Variants in CAMK1D observed in about 807,000 individuals in gnomAD.
The protein encoded by CAMK1D is calcium/calmodulin-dependent protein kinase type 1D.
In CAMK1D, 9 loss-of-function variants were observed where a neutral mutation model predicts 47.7. The ratio of observed to expected loss-of-function variants is 0.19; its 90% CI spans 0.11 to 0.33. The LOEUF (loss-of-function observed/expected upper bound fraction) is 0.33, where lower values mean the gene tolerates loss of function less well. Ranked by LOEUF, CAMK1D falls within the 10% of genes least tolerant of loss-of-function variation. The pLI is 1.00. For synonymous variants in CAMK1D, 184 were observed against 184.9 expected, an observed-to-expected ratio of 0.99 and a Z score of 0.04; for missense variants, 291 against 488.7, an observed-to-expected ratio of 0.60 and a Z score of 3.81.
intron 5 of CAMK1D, among the ~76,000 whole-genome samples, chr10:12,770,651 A>G (rs1160465806): frequency 6.6e-6 from 1 of 152,168 alleles, no homozygotes; most frequent in East Asian, 1.9e-4. Flanking sequence ...CTTGAGTACT[A>G]TGAAGAAACT....
intron 5 of CAMK1D, among the ~76,000 whole-genome samples, chr10:12,788,873 G>A (rs1237441228): frequency 1.3e-5 from 2 of 152,198 alleles, no homozygotes; most frequent in Non-Finnish European, 2.9e-5. Context: ...TGAACATGGT[G>A]AAGAAAGGAT....
In CAMK1D at chr10:12,489,986, G is replaced by C. The variant is rs553659165; in HGVS notation, c.93-63239G>C. On this transcript the variant is annotated intron_variant, in intron 1 of 10. Transcript: ENST00000619168. The stretch of plus-strand genomic sequence containing the variant: ...CCTGGCTTGAGGGAGCGTGGGGCAG[G>C]TGTGAACGGGGCAGGCACACTCACG... Among the ~76,000 whole-genome samples, 335 of 152,318 alleles carry C rather than the reference G, an allele frequency of 2.2e-3. 2 individuals carry two copies. The highest frequency in any genetic ancestry group is 3.5e-3 in the Non-Finnish European group (240 of 68,020).
chr10:12,535,655 C>G (rs1353182307), intron 1 of CAMK1D, among the ~76,000 whole-genome samples: 2 of 152,206 alleles, frequency 1.3e-5, no homozygotes. Context: ...AAAATTCCCA[C>G]TCCTGAAAGA....
At chr10:12,823,957 CT>C (rs772202356) in intron 8 of CAMK1D, among the ~76,000 whole-genome samples, 1 of 151,874 alleles carries the variant, frequency 6.6e-6, no homozygotes, top group Non-Finnish European at 1.5e-5. Context: ...AGCAGCGCCC[CT>C]GGGGAAGACA....
chr10:12,486,192 T>A (rs1361508062), intron 1 of CAMK1D, among the ~76,000 whole-genome samples: 44 of 149,886 alleles, frequency 2.9e-4, no homozygotes, highest in African/African-American at 1.0e-3. Context: ...AGAGTCTCGC[T>A]CTGTCACCCA....
chr10:12,734,511 TA>T (rs1835085914), intron 3 of CAMK1D, among the ~76,000 whole-genome samples: 1 of 144,990 alleles, frequency 6.9e-6, no homozygotes, highest in Admixed American at 7.0e-5. Context: ...CACACACACA[TA>T]TATATACACG....
intron 2 of CAMK1D, among the ~76,000 whole-genome samples, chr10:12,580,106 C>T (rs4531357): frequency 0.03 from 4,566 of 152,270 alleles, 96 homozygotes; most frequent in Non-Finnish European, 0.047. Flanking sequence ...TGTGGAACCT[C>T]GCAGGGCCTT....
At chr10:12,394,495 A>G (rs1031145068) in intron 1 of CAMK1D, among the ~76,000 whole-genome samples, 7 of 152,176 alleles carry the variant, frequency 4.6e-5, no homozygotes, top group Non-Finnish European at 7.3e-5. Flanking sequence ...CCGCATTGGC[A>G]TAAACTTAGG....
intron 2 of CAMK1D, among the ~76,000 whole-genome samples, chr10:12,554,031 G>C (rs1322649352): frequency 6.6e-6 from 1 of 152,028 alleles, no homozygotes; most frequent in African/African-American, 2.4e-5. Flanking sequence ...CACTGTTTCA[G>C]TGCTTACCTC....
At chr10:12,534,017 T>C (rs1182321645) in intron 1 of CAMK1D, among the ~76,000 whole-genome samples, 1 of 152,202 alleles carries the variant, frequency 6.6e-6, no homozygotes, top group Non-Finnish European at 1.5e-5. Context: ...AGAGTTCTTC[T>C]GCAAGCTTCA....
intron 3 of CAMK1D, among the ~76,000 whole-genome samples, chr10:12,751,615 G>A (rs1835989447): frequency 6.6e-6 from 1 of 152,330 alleles, no homozygotes; most frequent in African/African-American, 2.4e-5. Flanking sequence ...GGTGTGTGCT[G>A]TGCAGAAAGA....
Position 12,774,515 on chromosome 10 carries a change from C to T in CAMK1D, c.565+4716C>T, listed in dbSNP as rs551381068. On this transcript the variant is annotated intron_variant, in intron 5 of 10. Transcript: ENST00000619168. Reference sequence around the variant, plus strand: ...GGTATGTGGACCAGGACTTGGAAATCGTCGTATAGACTTTAGCTTCTACTC... The same window carrying T: ...GGTATGTGGACCAGGACTTGGAAATTGTCGTATAGACTTTAGCTTCTACTC... Among the ~76,000 whole-genome samples the T allele has an allele frequency of 4.6e-5, 7 of 152,250 alleles. No individual in the cohort carries two copies. The East Asian group carries it at 9.7e-4, about 21-fold the overall frequency.
intron 1 of CAMK1D, among the ~76,000 whole-genome samples, chr10:12,489,119 G>A (rs1235995158): frequency 6.6e-6 from 1 of 152,038 alleles, no homozygotes; most frequent in Non-Finnish European, 1.5e-5. Flanking sequence ...TATATTTTTA[G>A]TAGAGACAGG....
chr10:12,680,793 C>T (rs1024348154), intron 3 of CAMK1D, among the ~76,000 whole-genome samples: 4 of 151,360 alleles, frequency 2.6e-5, no homozygotes, highest in Admixed American at 6.6e-5. Context: ...AATCCTTGCT[C>T]GTGATTGCTT....
At chr10:12,360,313 A>G (rs1441793582) in intron 1 of CAMK1D, among the ~76,000 whole-genome samples, 1 of 152,132 alleles carries the variant, frequency 6.6e-6, no homozygotes, top group Admixed American at 6.6e-5. Flanking sequence ...GCCTCCCCAC[A>G]CAACCCTGTC....
At chr10:12,805,568 C>T (rs1838693357) in intron 6 of CAMK1D, among the ~76,000 whole-genome samples, 1 of 151,956 alleles carries the variant, frequency 6.6e-6, no homozygotes, top group Non-Finnish European at 1.5e-5. Flanking sequence ...TGGGGTTTTA[C>T]CATGTTGGTC....
rs117915519 is a variant in CAMK1D, at chr10:12,558,140, C to T, written c.224+4784C>T. On this transcript the variant is annotated intron_variant, in intron 2 of 10. Transcript: ENST00000619168. ...GATAGAACAGTTAGTTGTGATCCCA[C>T]AACAGAGTATTTTATGCGGTATGGA... Among the ~76,000 whole-genome samples, 315 of 152,346 alleles carry T rather than the reference C, an allele frequency of 2.1e-3. 1 individual carries two copies. Among genetic ancestry groups the T allele is most frequent in the Middle Eastern group, 0.02 (6 of 294 alleles).
intron 1 of CAMK1D, among the ~76,000 whole-genome samples, chr10:12,531,775 A>G (rs1835813728): frequency 6.6e-6 from 1 of 152,214 alleles, no homozygotes; most frequent in South Asian, 2.1e-4. Flanking sequence ...CTAAGCAATA[A>G]TGTTCTCATC....
At chr10:12,722,230 T>G (rs1588847929) in intron 3 of CAMK1D, among the ~76,000 whole-genome samples, 2 of 151,632 alleles carry the variant, frequency 1.3e-5, no homozygotes, top group East Asian at 3.9e-4. Context: ...GATCACGAAG[T>G]CTGGAGATCG....
Sources: gnomAD v4.1 joint callset for allele counts (sites outside exome capture counted in the v4.1 genomes callset) on GRCh38, gnomAD v4.1.1 for gene constraint, MANE v1.5 for transcripts, NCBI Gene and HGNC (gene_info 2026-07-23, HGNC 2026-07-21) for gene names.